Variants in SIK3 observed in about 807,000 individuals in gnomAD.
SIK3 encodes SIK family kinase 3.
A neutral mutation model predicts 144.2 loss-of-function variants in SIK3; 28 were observed. That is an observed-to-expected ratio of 0.19 (90% CI 0.14 to 0.27). The LOEUF (loss-of-function observed/expected upper bound fraction) is 0.27, where lower values mean the gene tolerates loss of function less well. Among genes scored for constraint, SIK3 ranks in the 10% least tolerant of loss-of-function variants. The pLI is 1.00. For synonymous variants in SIK3, 686 were observed against 676.3 expected (o/e 1.01, Z -0.22); for missense variants, 1,319 against 1,776.0 (o/e 0.74, Z 4.62).
intron 1 of SIK3, among the ~76,000 whole-genome samples, chr11:117,096,043 G>A (rs966990362): frequency 6.6e-6 from 1 of 152,154 alleles, no homozygotes; most frequent in Admixed American, 6.6e-5. Context: ...AGGTCTCAGA[G>A]AAAAACTATG....
chr11:117,002,346 T>C (rs540949501), intron 1 of SIK3, among the ~76,000 whole-genome samples: 2 of 152,092 alleles, frequency 1.3e-5, no homozygotes, highest in South Asian at 2.1e-4. Flanking sequence ...TGTATTTTTA[T>C]ATGTGGCCCA....
chr11:116,947,518 A>AAT (rs139398268), intron 3 of SIK3, among the ~76,000 whole-genome samples: 198 of 132,416 alleles, frequency 1.5e-3, no homozygotes, highest in South Asian at 2.8e-3. Flanking sequence ...TAGCTAGGGA[A>AAT]ATATATATAT....
Position 116,843,845 on chromosome 11 carries a change from T to C in SIK3, c.*1798A>G, listed in dbSNP as rs1206939588. 1 of 152,152 alleles carries C rather than the reference T, an allele frequency of 6.6e-6. No homozygotes were observed. Among genetic ancestry groups the C allele is most frequent in the South Asian group, 2.1e-4 (1 of 4,826 alleles). 9.4% of individuals were successfully genotyped at this position (152,152 alleles called of 1,614,324 possible). On this transcript the variant is annotated 3_prime_UTR_variant, in exon 25 of 25. Coordinates refer to ENST00000445177, the MANE Select transcript of SIK3 (RefSeq NM_001366686.3). ...GGGGAGACTGGGGACCATGGAAACA[T>C]GGGACAGCTCCCACGAAGGGCTCTT...
At chr11:117,064,915 C>T (rs527833747) in intron 1 of SIK3, among the ~76,000 whole-genome samples, 4 of 152,014 alleles carry the variant, frequency 2.6e-5, no homozygotes, top group Non-Finnish European at 5.9e-5. Context: ...TTTGGGAAGC[C>T]GAGGTGGGCA....
At chr11:117,027,619 T>C (rs920536212) in intron 1 of SIK3, among the ~76,000 whole-genome samples, 1 of 151,922 alleles carries the variant, frequency 6.6e-6, no homozygotes, top group Non-Finnish European at 1.5e-5. Flanking sequence ...CCCGCCACCA[T>C]GCCCAGCTAA....
chr11:116,998,359 T>C (rs1950739621), intron 1 of SIK3, among the ~76,000 whole-genome samples: 1 of 151,202 alleles, frequency 6.6e-6, no homozygotes. Flanking sequence ...TAGTCCCAGC[T>C]ACTCAGGAGG....
intron 1 of SIK3, among the ~76,000 whole-genome samples, chr11:116,962,163 G>C (rs987369922): frequency 1.3e-5 from 2 of 152,090 alleles, no homozygotes; most frequent in Admixed American, 1.3e-4. Context: ...ATGAACTAAG[G>C]GACAGTTCAG....
At chr11:116,979,708 G>A (rs532521267) in intron 1 of SIK3, among the ~76,000 whole-genome samples, 10 of 152,186 alleles carry the variant, frequency 6.6e-5, no homozygotes, top group African/African-American at 1.4e-4. Flanking sequence ...CTAGCCAGGC[G>A]TGGTAATGGA....
intron 1 of SIK3, among the ~76,000 whole-genome samples, chr11:116,986,191 T>C (rs1222146188): frequency 6.6e-6 from 1 of 152,188 alleles, no homozygotes; most frequent in African/African-American, 2.4e-5. Flanking sequence ...AGGCAGACAC[T>C]CCCAATGCCA....
At chr11:116,969,657 G>A (rs150750968) in intron 1 of SIK3, among the ~76,000 whole-genome samples, 1 of 152,132 alleles carries the variant, frequency 6.6e-6, no homozygotes, top group African/African-American at 2.4e-5. Context: ...AAACAGCACA[G>A]AATAAGGAGC....
At chr11:116,981,225 C>G (rs1328093488) in intron 1 of SIK3, among the ~76,000 whole-genome samples, 2 of 152,192 alleles carry the variant, frequency 1.3e-5, no homozygotes, top group East Asian at 3.8e-4. Flanking sequence ...CCCAGGGCAG[C>G]TTGATAGAGA....
chr11:116,870,028 G>C, intron 14 of SIK3: 1 of 1,116,432 alleles, frequency 9.0e-7, no homozygotes, highest in Non-Finnish European at 1.2e-6. Flanking sequence ...TTTGTGCCTT[G>C]TGAATACTAT....
At chr11:117,025,099 T>G (rs920544429) in intron 1 of SIK3, among the ~76,000 whole-genome samples, 1 of 152,176 alleles carries the variant, frequency 6.6e-6, no homozygotes, top group Non-Finnish European at 1.5e-5. Flanking sequence ...CAACTGTCAA[T>G]GAGCAACTAC....
chr11:116,925,891 G>A (rs780944763), intron 4 of SIK3, among the ~76,000 whole-genome samples: 1 of 152,166 alleles, frequency 6.6e-6, no homozygotes, highest in Non-Finnish European at 1.5e-5. Flanking sequence ...TAATAAGCTA[G>A]TGCAGGAGTG....
Position 116,858,674 on chromosome 11 carries a change from C to T in SIK3, c.2791G>A (p.Ala931Thr). The change falls in exon 21 of 25, where the codon GCT (alanine) becomes ACT (threonine). Residue 931 changes from alanine (A) to threonine (T), a missense_variant. Around this residue, in one of 8 missense-constraint regions of SIK3, gnomAD observed 646 missense variants for 763.7 expected, o/e 0.85. Transcript: ENST00000445177. This position sits in a 1 kb window ranked among gnomAD's most constrained non-coding sequence, Gnocchi z 5.4. The part of the protein sequence containing the change: ...HSLNVNRFSP[A>T]NYDQAHLHPH... Reference sequence around the variant, plus strand: ...TGTAAATGCGCCTGGTCGTAGTTAGCAGGGGAGAACCGATTCACGTTCAAG... The same window carrying T: ...TGTAAATGCGCCTGGTCGTAGTTAGTAGGGGAGAACCGATTCACGTTCAAG... The T allele has an allele frequency of 6.5e-7, 1 of 1,548,188 alleles. No homozygotes were observed. The highest frequency in any genetic ancestry group is 1.4e-5 in the African/African-American group (1 of 72,996).
rs1941848349 is a variant in SIK3 at position 116,845,168 on chromosome 11, GA to G, written c.*474del. 6.6e-6 allele frequency: 1 copy of G among 152,226 alleles called. No homozygotes were observed. Among genetic ancestry groups the G allele is most frequent in the Admixed American group, 6.5e-5 (1 of 15,282 alleles). The allele number at this position is 152,226 out of a possible 1,614,324, so 9.4% of individuals were successfully genotyped here. A position where few individuals can be genotyped will look rare whatever the true frequency, so the allele number is the denominator to read the frequency against. ...CTTTCACAGAAGAGCAATGCAGGGG[GA>G]TGGAGGGTGCTCTGCTGATGAAGGC... On this transcript the variant is annotated 3_prime_UTR_variant, in exon 25 of 25. Coordinates refer to ENST00000445177, the MANE Select transcript of SIK3 (RefSeq NM_001366686.3).
intron 1 of SIK3, among the ~76,000 whole-genome samples, chr11:117,029,337 G>C (rs1374475551): frequency 6.6e-6 from 1 of 152,132 alleles, no homozygotes; most frequent in African/African-American, 2.4e-5. Flanking sequence ...AGCACCTATA[G>C]TCCCAGCTAC....
At chr11:116,986,779 C>T (rs1229168612) in intron 1 of SIK3, among the ~76,000 whole-genome samples, 1 of 152,168 alleles carries the variant, frequency 6.6e-6, no homozygotes, top group Non-Finnish European at 1.5e-5. Context: ...TTGGCAACTA[C>T]CAACACTCAT....
At chr11:117,009,001 G>A (rs1480813320) in intron 1 of SIK3, among the ~76,000 whole-genome samples, 4 of 151,424 alleles carry the variant, frequency 2.6e-5, no homozygotes, top group African/African-American at 4.8e-5. Flanking sequence ...TTGGGAGGCC[G>A]AGGCAGGTGG....
Sources: gnomAD v4.1 joint callset for allele counts (sites outside exome capture counted in the v4.1 genomes callset) on GRCh38, gnomAD v4.1.1 for gene constraint, gnomAD v4.1.1 regional missense constraint, Gnocchi (gnomAD v3.1) non-coding constraint, MANE v1.5 for transcripts, NCBI Gene and HGNC (gene_info 2026-07-23, HGNC 2026-07-21) for gene names.